TRIM24: variants seen among roughly 807,000 people sequenced by gnomAD.
TRIM24 encodes the protein transcription intermediary factor 1-alpha.
Under a neutral mutation model 123.9 loss-of-function variants are expected in TRIM24, and 29 were observed. That is an observed-to-expected ratio of 0.23 (90% confidence interval 0.17 to 0.32). The LOEUF (loss-of-function observed/expected upper bound fraction) is 0.32. TRIM24 is among the 10% of genes least tolerant of loss of function. The probability of loss-of-function intolerance (pLI) is 1.00; values close to 1 mark genes in which losing one functional copy is unlikely to be tolerated. For missense variants in TRIM24, 932 were observed against 1,295.3 expected (o/e 0.72, Z 4.31); for synonymous variants, 456 against 461.1 (o/e 0.99, Z 0.14).
At chr7:138,567,334 C>G (rs1409553421) in intron 9 of TRIM24, 147 bp from the exon 10 acceptor site, 2 of 681,422 alleles carry the variant, frequency 2.9e-6, no homozygotes. Context: ...GCCCATCCCC[C>G]ACCCCTCATT....
At chr7:138,521,799 A>G (rs1295156454) in intron 4 of TRIM24, among the ~76,000 whole-genome samples, 3 of 152,238 alleles carry the variant, frequency 2.0e-5, no homozygotes, top group Non-Finnish European at 4.4e-5. Context: ...TATAGTAGAC[A>G]AAATCCATTA....
intron 1 of TRIM24, among the ~76,000 whole-genome samples, chr7:138,467,427 C>T (rs1454448029): frequency 1.3e-5 from 2 of 152,078 alleles, no homozygotes; most frequent in African/African-American, 2.4e-5. Context: ...CTGCAACCTC[C>T]GCCTCCCAGG....
intron 6 of TRIM24, among the ~76,000 whole-genome samples, chr7:138,533,815 G>A (rs893541876): frequency 6.6e-6 from 1 of 152,138 alleles, no homozygotes; most frequent in Non-Finnish European, 1.5e-5. Flanking sequence ...TGTACCTCTG[G>A]TAGAATTTGG....
intron 1 of TRIM24, among the ~76,000 whole-genome samples, chr7:138,502,334 A>G (rs1379959747): frequency 1.3e-5 from 2 of 152,224 alleles, no homozygotes; most frequent in Non-Finnish European, 2.9e-5. Context: ...GTTCTAATGG[A>G]AGTGGAATAT....
At chr7:138,516,093 A>G (rs1156885189) in intron 3 of TRIM24, among the ~76,000 whole-genome samples, 1 of 152,080 alleles carries the variant, frequency 6.6e-6, no homozygotes, top group African/African-American at 2.4e-5. Flanking sequence ...AGATCAGGAG[A>G]TCGAGACCAT....
intron 9 of TRIM24, among the ~76,000 whole-genome samples, chr7:138,557,330 A>C (rs535882931): frequency 1.2e-3 from 188 of 152,274 alleles, no homozygotes; most frequent in African/African-American, 4.4e-3. Flanking sequence ...GTTTAATGGA[A>C]AGCATCTCTA....
chr7:138,542,097 A>G (rs575992896), intron 7 of TRIM24, among the ~76,000 whole-genome samples: 68 of 152,338 alleles, frequency 4.5e-4, no homozygotes, highest in African/African-American at 1.5e-3. Flanking sequence ...CCTATCAGCA[A>G]TAAGTCTGCT....
intron 1 of TRIM24, among the ~76,000 whole-genome samples, chr7:138,481,232 TC>T (rs929286716): frequency 2.0e-5 from 3 of 152,000 alleles, no homozygotes; most frequent in Non-Finnish European, 4.4e-5. Flanking sequence ...GCTCAGTGAT[TC>T]ACCTGCCTTG....
intron 13 of TRIM24, 100 bp downstream of exon 13, chr7:138,576,545 A>G (rs946814370): frequency 4.3e-6 from 4 of 927,928 alleles, no homozygotes; most frequent in African/African-American, 1.7e-5. Context: ...ATTTTGAACA[A>G]TTTCCTTTAT....
chr7:138,500,756 A>G (rs1385956228), intron 1 of TRIM24, among the ~76,000 whole-genome samples: 1 of 151,744 alleles, frequency 6.6e-6, no homozygotes, highest in African/African-American at 2.4e-5. Context: ...AGTTTTGGCA[A>G]TTTTGTTGTA....
chr7:138,554,654 A>G lies in TRIM24; in HGVS notation c.1262-44A>G. 1.3e-6 allele frequency: 2 copies of G among 1,574,696 alleles called. No individual in the cohort carries two copies. The highest frequency in any genetic ancestry group is 1.7e-6 in the Non-Finnish European group (2 of 1,159,728). ...CTTTAGAAAATGTGATATTTCACCA[A>G]CTATCTGAAAAACTGTTTCCCTTAA... On this transcript the variant is annotated intron_variant, in intron 8 of 18. Transcript: ENST00000343526. The surrounding 1 kb of genome is among the most constrained non-coding windows in gnomAD (Gnocchi z 4.5).
intron 2 of TRIM24, among the ~76,000 whole-genome samples, chr7:138,512,500 G>C (rs1796311310): frequency 6.6e-6 from 1 of 152,180 alleles, no homozygotes; most frequent in Non-Finnish European, 1.5e-5. Flanking sequence ...CAGGCAGAGA[G>C]AGGCTCCCAA....
At chr7:138,542,217 AG>A (rs1203153441) in intron 7 of TRIM24, among the ~76,000 whole-genome samples, 1 of 152,190 alleles carries the variant, frequency 6.6e-6, no homozygotes, top group Non-Finnish European at 1.5e-5. Context: ...CCTAGCTTTC[AG>A]CCTGTCTCAG....
chr7:138,497,355 A>G (rs10248027), intron 1 of TRIM24, among the ~76,000 whole-genome samples: 1,952 of 146,658 alleles, frequency 0.013, 36 homozygotes, highest in African/African-American at 0.046. Flanking sequence ...GGTGTGAGCC[A>G]CCGCGCCTGG....
At chr7:138,576,518 G>T in intron 13 of TRIM24, 73 bp downstream of exon 13, 2 of 1,276,142 alleles carry the variant, frequency 1.6e-6, no homozygotes, top group Admixed American at 1.7e-5. Flanking sequence ...TGTTCAACAT[G>T]TTTTGATACT....
In TRIM24 at chr7:138,519,040, A is replaced by G. The variant is rs1460460805; in HGVS notation, c.632-149A>G. 1.3e-5 allele frequency: 11 copies of G among 846,608 alleles called. No individual in the cohort carries two copies. In the African/African-American group the frequency reaches 1.6e-4, roughly 12 times the overall value. 52.4% of individuals were successfully genotyped at this position (846,608 alleles called of 1,614,324 possible). A position where few individuals can be genotyped will look rare whatever the true frequency, so the allele number is the denominator to read the frequency against. ...TGCTGACAATATGTGATATCTTAAT[A>G]TCTGTAATTCTTAGTGAAAGTTATG... On this transcript the variant is annotated intron_variant, in intron 3 of 18. Coordinates refer to ENST00000343526, the MANE Select transcript of TRIM24 (RefSeq NM_015905.3).
chr7:138,528,955 T>G (rs1245333466), intron 5 of TRIM24, among the ~76,000 whole-genome samples, 161 bp from the exon 6 acceptor site: 1 of 152,078 alleles, frequency 6.6e-6, no homozygotes, highest in African/African-American at 2.4e-5. Flanking sequence ...AGAATTATAT[T>G]TCTGCTGTCT....
intron 1 of TRIM24, among the ~76,000 whole-genome samples, chr7:138,490,359 C>A (rs1490333865): frequency 6.6e-6 from 1 of 152,202 alleles, no homozygotes; most frequent in Non-Finnish European, 1.5e-5. Flanking sequence ...TCTGTCAACT[C>A]ATCAAAGTTA....
At chr7:138,568,379 CTTTTTTTTTTTTTTTTTTT>C (rs60386130) in intron 10 of TRIM24, among the ~76,000 whole-genome samples, 1 of 68,682 alleles carries the variant, frequency 1.5e-5, no homozygotes, top group Admixed American at 2.5e-4. Context: ...ACCTGGCCTC[CTTTTTTTTTTTTTTTTTTT>C]TTTTTTTTTT....
Sources: allele counts gnomAD v4.1 joint callset (sites outside exome capture counted in the v4.1 genomes callset), GRCh38; gene constraint gnomAD v4.1.1; non-coding constraint Gnocchi (gnomAD v3.1); transcripts MANE v1.5; gene names NCBI Gene and HGNC (gene_info 2026-07-23, HGNC 2026-07-21).